Variants in TREML4 observed in about 807,000 individuals in gnomAD.
The protein encoded by TREML4 is trem-like transcript 4 protein.
TREML4 carries 25 observed loss-of-function variants against 25.4 expected under a neutral mutation model. The observed-to-expected ratio is 0.98, with a 90% confidence interval of 0.72 to 1.37. The LOEUF is 1.37. Among genes scored for constraint, TREML4 ranks in the 40% most tolerant of loss-of-function variants. TREML4 has a pLI of 0.00. For synonymous variants in TREML4, 92 were observed against 87.9 expected (o/e 1.05, Z -0.26); for missense variants, 268 against 236.5 (o/e 1.13, Z -0.87).
chr6:41,231,532 TCTAGGTAC>T (rs1192446798), intron 4 of TREML4, among the ~76,000 whole-genome samples: 1 of 152,120 alleles, frequency 6.6e-6, no homozygotes, highest in African/African-American at 2.4e-5. Flanking sequence ...CCCCAGGAAC[TCTAGGTAC>T]CTATGATCAG....
Position 41,229,029 on chromosome 6 carries a change from C to A in TREML4, c.379C>A (p.Leu127Met). The A allele has an allele frequency of 2.5e-6, 4 of 1,613,252 alleles. No homozygotes were observed. Among genetic ancestry groups the A allele is most frequent in the Non-Finnish European group, 3.4e-6 (4 of 1,179,416 alleles). Residue 127 changes from leucine to methionine, a missense_variant, in exon 2 of 6, where the codon CTG (leucine) becomes ATG (methionine). By Grantham distance (15) the Leu-to-Met change is conservative. Transcript: ENST00000341495. ...CATCACTGTTCTTAGAAATATCAGC[C>A]TGGTGGTGTCTCCAGGTGAGCTCTT... ...NIITVLRNIS[L>M]VVSPAPTTSP...
At chr6:41,228,558 G>A in intron 1 of TREML4, 68 bp downstream of exon 1, 1 of 1,548,254 alleles carries the variant, frequency 6.5e-7, no homozygotes, top group Non-Finnish European at 8.8e-7. Context: ...GCAGGGAGCA[G>A]CATGGCTGTG....
chr6:41,228,609 G>T, intron 1 of TREML4, 105 bp from the exon 2 acceptor site: 1 of 1,490,568 alleles, frequency 6.7e-7, no homozygotes, highest in South Asian at 1.3e-5. Context: ...TCCATGTGTG[G>T]GCATCAGAAC....
At chr6:41,233,563 C>T (rs1026498805) in intron 4 of TREML4, among the ~76,000 whole-genome samples, 2 of 151,964 alleles carry the variant, frequency 1.3e-5, no homozygotes, top group African/African-American at 4.8e-5. Context: ...ATAGACCCAT[C>T]ATAAACGTAT....
chr6:41,228,372 G>T lies in TREML4; in HGVS notation c.-56G>T, dbSNP rs1380899051. 8 of 1,381,342 alleles carry T rather than the reference G, an allele frequency of 5.8e-6. No individual in the cohort carries two copies. Among genetic ancestry groups the T allele is most frequent in the Non-Finnish European group, 6.9e-6 (7 of 1,010,272 alleles). The allele number at this position is 1,381,342 out of a possible 1,614,324, so 85.6% of individuals were successfully genotyped here. ...TCAGACCCAGCGTCTGACTCCTCCT[G>T]AGAGGGCTCCCTTTTTTCTCCTCTC... On this transcript the variant is annotated 5_prime_UTR_variant, in exon 1 of 6. Coordinates refer to ENST00000341495, the MANE Select transcript of TREML4 (RefSeq NM_198153.3).
intron 2 of TREML4, 68 bp from the exon 3 acceptor site, chr6:41,229,453 T>C (rs1048062019): frequency 7.7e-6 from 12 of 1,556,988 alleles, no homozygotes; most frequent in African/African-American, 1.4e-5. Flanking sequence ...CCTCCTCTTA[T>C]GTATGGGGTA....
chr6:41,230,502 C>T (rs1766775974), intron 4 of TREML4, among the ~76,000 whole-genome samples: 1 of 152,140 alleles, frequency 6.6e-6, no homozygotes, highest in Admixed American at 6.6e-5. Flanking sequence ...GAGAGGCATA[C>T]TGTTAAATTC....
chr6:41,235,711 T>G (rs567156355), intron 4 of TREML4, among the ~76,000 whole-genome samples: 1 of 152,208 alleles, frequency 6.6e-6, no homozygotes, highest in Admixed American at 6.5e-5. Context: ...ATTGTAAATA[T>G]GTCAATTTCT....
intron 4 of TREML4, among the ~76,000 whole-genome samples, chr6:41,231,836 A>T (rs1766806030): frequency 1.3e-5 from 2 of 152,218 alleles, no homozygotes; most frequent in South Asian, 4.1e-4. Flanking sequence ...TGGGAGATAA[A>T]GGATGAAAGA....
intron 3 of TREML4, 46 bp downstream of exon 3, chr6:41,229,617 C>A (rs376076925): frequency 1.3e-6 from 2 of 1,598,524 alleles, no homozygotes; most frequent in Non-Finnish European, 1.7e-6. Context: ...GGTCACCAGG[C>A]AGCTTGGGAG....
In TREML4 at chr6:41,237,293, C is replaced by G. The variant is rs1037282728; in HGVS notation, c.*274C>G. 1.9e-5 allele frequency: 3 copies of G among 153,970 alleles called. No individual in the cohort carries two copies. Among genetic ancestry groups the G allele is most frequent in the African/African-American group, 7.2e-5 (3 of 41,632 alleles). The allele number at this position is 153,970 out of a possible 1,614,324, so 9.5% of individuals were successfully genotyped here. A position where few individuals can be genotyped will look rare whatever the true frequency, so the allele number is the denominator to read the frequency against. ...GACCCCTCACCCCTGCACTGAGCCC[C>G]CTTAGATCTACTGCCCCTGCCCTGA... On this transcript the variant is annotated 3_prime_UTR_variant, in exon 6 of 6. Transcript: ENST00000341495.
chr6:41,236,613 C>T lies in TREML4; in HGVS notation c.*31C>T. On this transcript the variant is annotated 3_prime_UTR_variant, in exon 5 of 6. Coordinates refer to ENST00000341495, the MANE Select transcript of TREML4 (RefSeq NM_198153.3). ...GTTAGTGCTCCTGATCTGCAGGTGC[C>T]ACAGGTGAGGGGGCCTGGATTTCAC... 6.4e-7 allele frequency: 1 copy of T among 1,556,048 alleles called. No homozygotes were observed. The highest frequency in any genetic ancestry group is 8.9e-7 in the Non-Finnish European group (1 of 1,127,912).
chr6:41,234,879 T>G (rs1355117740), intron 4 of TREML4, among the ~76,000 whole-genome samples: 6 of 151,394 alleles, frequency 4.0e-5, no homozygotes, highest in African/African-American at 1.5e-4. Flanking sequence ...TTGAACAGGT[T>G]AGTGTCATCA....
Position 41,231,941 on chromosome 6 carries a change from A to G in TREML4, c.506+1819A>G, listed in dbSNP as rs367915905. Among the ~76,000 whole-genome samples, 38 of 152,330 alleles carry G rather than the reference A, an allele frequency of 2.5e-4. 1 individual carries two copies. In the South Asian group the frequency reaches 7.7e-3, roughly 31 times the overall value. On this transcript the variant is annotated intron_variant, in intron 4 of 5. Coordinates refer to ENST00000341495, the MANE Select transcript of TREML4 (RefSeq NM_198153.3). ...AGATTCATACATTGCCAAATAGGGG[A>G]AAACAGCCAACACACACACAAAAAT... is the stretch of plus-strand genomic sequence containing the variant.
Position 41,229,553 on chromosome 6 carries a change from T to G in TREML4, c.427T>G (p.Trp143Gly), listed in dbSNP as rs745664309. Reference protein sequence around the residue: ...PTTSPMWTLPWLPTSTVLITS... With the variant: ...PTTSPMWTLPGLPTSTVLITS... ...CACGTCTCCTATGTGGACTCTTCCCTGGCTCCCAACAAGCACAGGTAGGTT... is the reference window on the plus strand; with the variant it reads ...CACGTCTCCTATGTGGACTCTTCCCGGGCTCCCAACAAGCACAGGTAGGTT... The change falls in exon 3 of 6, where the codon TGG becomes GGG. Residue 143 changes from tryptophan to glycine, a missense_variant. By Grantham distance (184) the Trp-to-Gly change is radical. Coordinates refer to ENST00000341495, the MANE Select transcript of TREML4 (RefSeq NM_198153.3). 6.1e-5 allele frequency: 98 copies of G among 1,613,734 alleles called. No individual in the cohort carries two copies. The South Asian group carries it at 9.0e-4, about 15-fold the overall frequency.
At chr6:41,234,650 C>A (rs1766865417) in intron 4 of TREML4, among the ~76,000 whole-genome samples, 1 of 151,694 alleles carries the variant, frequency 6.6e-6, no homozygotes, top group African/African-American at 2.4e-5. Flanking sequence ...AATTTCCTAA[C>A]AATATGAACT....
At position 41,230,107 on chromosome 6, in the gene TREML4, A is replaced by G. The variant is rs199730662; in HGVS notation, c.491A>G (p.Asn164Ser). 1.4e-5 allele frequency: 22 copies of G among 1,611,152 alleles called. No homozygotes were observed. The Admixed American group carries it at 2.0e-4, about 15-fold the overall frequency. The change falls in exon 4 of 6, where the codon AAT becomes AGT. Residue 164 changes from asparagine to serine, a missense_variant. By Grantham distance (46) the Asn-to-Ser change is conservative. Transcript: ENST00000341495. ...PEGTSGHPSINGSETRKSRAP... is the reference protein window; with the variant it reads ...PEGTSGHPSISGSETRKSRAP... ...GGGACCTCTGGCCATCCCTCCATCA[A>G]TGGCTCTGAGACCAGGTAGGTCAGA...
rs575908327 is a variant in TREML4, at chr6:41,237,649, T to C, written c.*630T>C. 1.3e-5 allele frequency: 2 copies of C among 152,148 alleles called. No homozygotes were observed. The highest frequency in any genetic ancestry group is 3.9e-4 in the East Asian group (2 of 5,178). 9.4% of individuals were successfully genotyped at this position (152,148 alleles called of 1,614,324 possible). On this transcript the variant is annotated 3_prime_UTR_variant, in exon 6 of 6. Transcript: ENST00000341495. Reference sequence around the variant, plus strand: ...GAGAGAGAAATGACTTAAAAATAAATGATAAAATTGAAACTAAGAAAGGCT... The same window carrying C: ...GAGAGAGAAATGACTTAAAAATAAACGATAAAATTGAAACTAAGAAAGGCT...
chr6:41,228,525 G>T (rs191379763), intron 1 of TREML4, 35 bp downstream of exon 1: 8 of 1,600,668 alleles, frequency 5.0e-6, no homozygotes, highest in Non-Finnish European at 6.0e-6. Context: ...GGGGTGTAAG[G>T]AGTGGGATGA....
Sources: gnomAD v4.1 joint callset for allele counts (sites outside exome capture counted in the v4.1 genomes callset) on GRCh38, gnomAD v4.1.1 for gene constraint, MANE v1.5 for transcripts, NCBI Gene and HGNC (gene_info 2026-07-23, HGNC 2026-07-21) for gene names.